ZNF267: variants seen among roughly 807,000 people sequenced by gnomAD.
ZNF267 encodes the protein zinc finger protein 267.
ZNF267 carries 61 observed loss-of-function variants against 71.6 expected under a neutral mutation model. The observed-to-expected ratio is 0.85, with a 90% confidence interval of 0.69 to 1.05. The LOEUF is 1.05. Ranked by LOEUF, ZNF267 falls within the 50% of genes least tolerant of loss-of-function variation. ZNF267 has a pLI of 0.00. For missense variants in ZNF267, 852 were observed against 870.0 expected (o/e 0.98, Z 0.26); for synonymous variants, 288 against 293.2 (o/e 0.98, Z 0.18).
chr16:31,884,241 T>C (rs1393435730), intron 1 of ZNF267, among the ~76,000 whole-genome samples: 1 of 152,204 alleles, frequency 6.6e-6, no homozygotes, highest in Non-Finnish European at 1.5e-5. Context: ...CCCAAAAATG[T>C]ATATTCCTGT....
chr16:31,916,073 A>T lies in ZNF267; in HGVS notation c.1824A>T (p.Glu608Asp), dbSNP rs779537430. The change falls in exon 4 of 4, where the codon GAA becomes GAT. Residue 608 changes from glutamate (E) to aspartate (D), a missense_variant. By Grantham distance (45) the Glu-to-Asp change is conservative (BLOSUM62 2). Transcript: ENST00000300870. ...GAGAGAAACCCTATACATGTAAAGAATGTGGCAAAGCCTTTAGTTATAGTT... is the reference window on the plus strand; with the variant it reads ...GAGAGAAACCCTATACATGTAAAGATTGTGGCAAAGCCTTTAGTTATAGTT... ...HTGEKPYTCKECGKAFSYSSD... is the reference protein window; with the variant it reads ...HTGEKPYTCKDCGKAFSYSSD... 2 of 1,614,164 alleles carry T rather than the reference A, an allele frequency of 1.2e-6. No homozygotes were observed. Among genetic ancestry groups the T allele is most frequent in the East Asian group, 4.5e-5 (2 of 44,886 alleles).
At chr16:31,905,934 G>T (rs1442554290) in intron 3 of ZNF267, among the ~76,000 whole-genome samples, 1 of 152,154 alleles carries the variant, frequency 6.6e-6, no homozygotes, top group African/African-American at 2.4e-5. Context: ...TTTGGTCTTT[G>T]ATGATGGTGA....
In ZNF267 at chr16:31,916,103, T is replaced by A. The variant is rs192627498; in HGVS notation, c.1854T>A (p.Asp618Glu). 6.2e-7 allele frequency: 1 copy of A among 1,614,074 alleles called. No individual in the cohort carries two copies. Among genetic ancestry groups the A allele is most frequent in the Admixed American group, 1.7e-5 (1 of 60,016 alleles). Residue 618 changes from aspartate to glutamate, a missense_variant, in exon 4 of 4, where the codon GAT becomes GAA. Coordinates refer to ENST00000300870, the MANE Select transcript of ZNF267 (RefSeq NM_003414.6). Reference sequence around the variant, plus strand: ...GCAAAGCCTTTAGTTATAGTTCAGATGTTATTCAGCATCGGAGAATTCATA... The same window carrying A: ...GCAAAGCCTTTAGTTATAGTTCAGAAGTTATTCAGCATCGGAGAATTCATA... ...ECGKAFSYSSDVIQHRRIHTG... is the reference protein window; with the variant it reads ...ECGKAFSYSSEVIQHRRIHTG...
intron 3 of ZNF267, among the ~76,000 whole-genome samples, chr16:31,906,099 G>A: frequency 6.6e-6 from 1 of 152,218 alleles, no homozygotes; most frequent in East Asian, 1.9e-4. Context: ...CTGAACAGCG[G>A]ATATTGGTGA....
chr16:31,877,833 T>C lies in ZNF267; in HGVS notation c.3+3864T>C, dbSNP rs147532382. ...TTTCCCACTACTTTTTTTTTTGCCC[T>C]GTATGTATTTATCTCATTTGGCTGT... On this transcript the variant is annotated intron_variant, in intron 1 of 3. Coordinates refer to ENST00000300870, the MANE Select transcript of ZNF267 (RefSeq NM_003414.6). 5.7e-3 allele frequency among the ~76,000 whole-genome samples: 862 copies of C among 152,270 alleles called. 3 individuals are homozygous for C. The highest frequency in any genetic ancestry group is 7.4e-3 in the Non-Finnish European group (501 of 68,018).
Position 31,873,868 on chromosome 16 carries a change from C to T in ZNF267, c.-99C>T. The T allele has an allele frequency of 6.4e-7, 1 of 1,552,994 alleles. No homozygotes were observed. The highest frequency in any genetic ancestry group is 8.9e-7 in the Non-Finnish European group (1 of 1,125,402). On this transcript the variant is annotated 5_prime_UTR_variant, in exon 1 of 4. Coordinates refer to ENST00000300870, the MANE Select transcript of ZNF267 (RefSeq NM_003414.6). ...CTTTCGTTCTGGGAGGCCCAGGCGG[C>T]TTCGCGTTCTGAGAATAAACAGAAC... is the stretch of plus-strand genomic sequence containing the variant.
chr16:31,900,046 T>A (rs1349935507), intron 3 of ZNF267, among the ~76,000 whole-genome samples: 1 of 151,936 alleles, frequency 6.6e-6, no homozygotes, highest in Non-Finnish European at 1.5e-5. Context: ...TATATATATA[T>A]ATAAACTGTG....
intron 1 of ZNF267, among the ~76,000 whole-genome samples, chr16:31,880,507 A>G (rs552001607): frequency 3.7e-4 from 57 of 152,236 alleles, no homozygotes; most frequent in African/African-American, 1.3e-3. Flanking sequence ...TGACAACTCA[A>G]TTTTCTATTC....
chr16:31,895,884 A>G (rs1222915920), intron 3 of ZNF267, among the ~76,000 whole-genome samples: 1 of 152,162 alleles, frequency 6.6e-6, no homozygotes, highest in Admixed American at 6.5e-5. Context: ...ACCTTTTCAT[A>G]TGTATAGTTT....
At chr16:31,913,405 G>C (rs952606600) in intron 3 of ZNF267, 23 of 152,334 alleles carry the variant, frequency 1.5e-4, no homozygotes, top group Admixed American at 5.9e-4. Context: ...ATTTAGACTT[G>C]AAGTGAGCAC....
At chr16:31,910,483 G>T (rs2084127248) in intron 3 of ZNF267, among the ~76,000 whole-genome samples, 1 of 151,536 alleles carries the variant, frequency 6.6e-6, no homozygotes, top group Admixed American at 6.6e-5. Flanking sequence ...TTGGTAAGTT[G>T]TATATATCTG....
chr16:31,901,984 A>G (rs1419755787), intron 3 of ZNF267, among the ~76,000 whole-genome samples: 1 of 152,198 alleles, frequency 6.6e-6, no homozygotes, highest in Non-Finnish European at 1.5e-5. Context: ...GGTGTAAGGA[A>G]GGGATCCATT....
At chr16:31,900,596 C>T (rs1291761255) in intron 3 of ZNF267, among the ~76,000 whole-genome samples, 1 of 151,944 alleles carries the variant, frequency 6.6e-6, no homozygotes, top group Non-Finnish European at 1.5e-5. Context: ...AGGTGCCTGC[C>T]ACCACGCCCA....
At chr16:31,894,633 G>A (rs369892022) in intron 3 of ZNF267, 15 of 485,146 alleles carry the variant, frequency 3.1e-5, no homozygotes, top group East Asian at 2.8e-4. Context: ...CTTCAGCTTC[G>A]CTGGACATGC....
chr16:31,910,428 T>G (rs185136418), intron 3 of ZNF267, among the ~76,000 whole-genome samples: 1 of 151,774 alleles, frequency 6.6e-6, no homozygotes, highest in Admixed American at 6.5e-5. Context: ...AACTTGTTAC[T>G]TCTTATTGGT....
In ZNF267 at chr16:31,885,214, C is replaced by G. The variant is rs761639109; in HGVS notation, c.184C>G (p.Pro62Ala). Residue 62 changes from proline (P) to alanine (A), a missense_variant, in exon 3 of 4, where the codon CCT becomes GCT. Pro to Ala is a conservative substitution (Grantham distance 27). Coordinates refer to ENST00000300870, the MANE Select transcript of ZNF267 (RefSeq NM_003414.6). ...CACCTTTTTGGAACAAAGGAAAGAGCCTTGGAATGTGAAGAGTGAGGAGAC... is the reference window on the plus strand; with the variant it reads ...CACCTTTTTGGAACAAAGGAAAGAGGCTTGGAATGTGAAGAGTGAGGAGAC... ...LITFLEQRKEPWNVKSEETVA... is the reference protein window; with the variant it reads ...LITFLEQRKEAWNVKSEETVA... 2.5e-6 allele frequency: 4 copies of G among 1,609,750 alleles called. No individual in the cohort carries two copies. The Admixed American group carries it at 6.7e-5, about 27-fold the overall frequency.
At chr16:31,874,744 C>A (rs921427779) in intron 1 of ZNF267, among the ~76,000 whole-genome samples, 7 of 152,146 alleles carry the variant, frequency 4.6e-5, no homozygotes, top group Non-Finnish European at 8.8e-5. Context: ...CTGGTTTTCC[C>A]CCTGCGCTTT....
intron 1 of ZNF267, among the ~76,000 whole-genome samples, chr16:31,878,382 C>G (rs1166021632): frequency 6.6e-6 from 1 of 152,140 alleles, no homozygotes; most frequent in East Asian, 1.9e-4. Flanking sequence ...ATGATTCCCA[C>G]CCACTCCTGA....
At chr16:31,906,360 G>T (rs2142356575) in intron 3 of ZNF267, among the ~76,000 whole-genome samples, 1 of 152,304 alleles carries the variant, frequency 6.6e-6, no homozygotes, top group Admixed American at 6.5e-5. Flanking sequence ...ATTTGTCTGT[G>T]TCCTGCCCCC....
Sources: allele counts gnomAD v4.1 joint callset (sites outside exome capture counted in the v4.1 genomes callset), GRCh38; gene constraint gnomAD v4.1.1; transcripts MANE v1.5; gene names NCBI Gene and HGNC (gene_info 2026-07-23, HGNC 2026-07-21).